Variants in SPAG16 observed in about 807,000 individuals in gnomAD.
SPAG16 encodes the protein sperm-associated antigen 16 protein.
In SPAG16, 86 loss-of-function variants were observed where a neutral mutation model predicts 80.4. The observed-to-expected ratio is 1.07, with a 90% CI of 0.90 to 1.28. The LOEUF (loss-of-function observed/expected upper bound fraction) is 1.28, where lower values mean the gene tolerates loss of function less well. Among genes scored for constraint, SPAG16 ranks in the 50% most tolerant of loss-of-function variants. SPAG16 has a pLI of 0.00. For missense variants in SPAG16, 870 were observed against 765.3 expected, an observed-to-expected ratio of 1.14 and a Z score of -1.61; for synonymous variants, 294 against 265.9, an observed-to-expected ratio of 1.11 and a Z score of -1.03.
chr2:214,289,006 G>T (rs1474774989), intron 15 of SPAG16, among the ~76,000 whole-genome samples: 1 of 152,052 alleles, frequency 6.6e-6, no homozygotes, highest in Non-Finnish European at 1.5e-5. Context: ...CTGACCTCGT[G>T]ATCCACCTGC....
At chr2:213,805,504 C>T (rs1457830251) in intron 10 of SPAG16, among the ~76,000 whole-genome samples, 3 of 152,158 alleles carry the variant, frequency 2.0e-5, no homozygotes, top group South Asian at 2.1e-4. Flanking sequence ...AGATAAGATA[C>T]AGGGAAGTAC....
intron 9 of SPAG16, chr2:213,422,641 G>C (rs1255809570): frequency 3.6e-6 from 1 of 278,760 alleles, no homozygotes; most frequent in Non-Finnish European, 6.8e-6. Flanking sequence ...CAGTATCAGA[G>C]TTCCTTCCCC....
intron 11 of SPAG16, among the ~76,000 whole-genome samples, chr2:213,910,581 C>T (rs576098785): frequency 0.052 from 1,733 of 33,204 alleles, 395 homozygotes; most frequent in African/African-American, 0.083. Flanking sequence ...CTCCGCCTCC[C>T]GGGTTCACGC....
intron 9 of SPAG16, among the ~76,000 whole-genome samples, chr2:213,468,560 G>A (rs1042866767): frequency 8.3e-6 from 1 of 120,712 alleles, no homozygotes; most frequent in African/African-American, 4.2e-5. Context: ...TTTATATATA[G>A]AGATATATAT....
intron 12 of SPAG16, among the ~76,000 whole-genome samples, chr2:213,937,065 A>G (rs1219342981): frequency 1.3e-5 from 2 of 152,162 alleles, no homozygotes; most frequent in Non-Finnish European, 2.9e-5. Flanking sequence ...ATGAAAGTGG[A>G]CTCTAAAATA....
intron 13 of SPAG16, among the ~76,000 whole-genome samples, chr2:214,056,280 T>TACAC (rs60247479): frequency 0.11 from 16,382 of 144,530 alleles, 1,007 homozygotes; most frequent in Non-Finnish European, 0.15. Context: ...GTAGTAGAAA[T>TACAC]ACACACACAC....
intron 15 of SPAG16, among the ~76,000 whole-genome samples, chr2:214,198,432 A>C (rs1447280802): frequency 6.6e-6 from 1 of 152,016 alleles, no homozygotes; most frequent in African/African-American, 2.4e-5. Context: ...AAAAGATATT[A>C]TTTCATTCTT....
chr2:213,869,447 G>A (rs1331669578), intron 11 of SPAG16, among the ~76,000 whole-genome samples: 1 of 151,152 alleles, frequency 6.6e-6, no homozygotes, highest in Non-Finnish European at 1.5e-5. Context: ...TTCTTCCTGA[G>A]CTGCAGAAGT....
At chr2:214,005,146 A>G (rs1455227166) in intron 12 of SPAG16, among the ~76,000 whole-genome samples, 1 of 152,092 alleles carries the variant, frequency 6.6e-6, no homozygotes, top group Non-Finnish European at 1.5e-5. Context: ...TCGGTTTTCC[A>G]GTTTACTGCC....
intron 15 of SPAG16, among the ~76,000 whole-genome samples, chr2:214,408,966 C>G (rs1702151909): frequency 6.6e-6 from 1 of 151,320 alleles, no homozygotes; most frequent in Non-Finnish European, 1.5e-5. Flanking sequence ...ATAAATAGTA[C>G]TATTTAAAAT....
intron 7 of SPAG16, among the ~76,000 whole-genome samples, chr2:213,357,507 G>T (rs989103649): frequency 9.2e-5 from 14 of 152,264 alleles, no homozygotes; most frequent in African/African-American, 3.4e-4. Flanking sequence ...TTACCATTAT[G>T]TAATGGCCTT....
intron 12 of SPAG16, among the ~76,000 whole-genome samples, chr2:214,013,136 G>A (rs1055162533): frequency 6.6e-6 from 1 of 150,922 alleles, no homozygotes; most frequent in Non-Finnish European, 1.5e-5. Context: ...TCATCAATTG[G>A]CATAGAATGT....
At chr2:213,542,351 A>G (rs2076475890) in intron 10 of SPAG16, among the ~76,000 whole-genome samples, 1 of 152,160 alleles carries the variant, frequency 6.6e-6, no homozygotes, top group Non-Finnish European at 1.5e-5. Context: ...TTCATTAAGA[A>G]GAAAGCATTA....
At chr2:213,949,181 T>TGTTTTG (rs1253485320) in intron 12 of SPAG16, among the ~76,000 whole-genome samples, 1 of 18,792 alleles carries the variant, frequency 5.3e-5, no homozygotes, top group Non-Finnish European at 1.6e-4. Context: ...TTTTTTTTTT[T>TGTTTTG]TTTTTTTTTT....
chr2:213,897,085 G>A (rs961479985), intron 11 of SPAG16, among the ~76,000 whole-genome samples: 20 of 152,062 alleles, frequency 1.3e-4, no homozygotes, highest in African/African-American at 4.6e-4. Context: ...AATAGTTCCA[G>A]CAGAAAGACA....
At position 213,703,125 on chromosome 2, in the gene SPAG16, A is replaced by C. The variant is rs970985198; in HGVS notation, c.1071-159360A>C. Among the ~76,000 whole-genome samples, 5 of 152,198 alleles carry C rather than the reference A, an allele frequency of 3.3e-5. No individual in the cohort carries two copies. In the East Asian group the frequency reaches 9.6e-4, roughly 29 times the overall value. Reference sequence around the variant, plus strand: ...TTTTCCCTCTCCTGTGATAATAGACATAGTGGGTTCCAAAAGATGACATGA... The same window carrying C: ...TTTTCCCTCTCCTGTGATAATAGACCTAGTGGGTTCCAAAAGATGACATGA... On this transcript the variant is annotated intron_variant, in intron 10 of 15. Transcript: ENST00000331683.
At chr2:213,626,007 G>T (rs766211767) in intron 10 of SPAG16, among the ~76,000 whole-genome samples, 1 of 152,064 alleles carries the variant, frequency 6.6e-6, no homozygotes, top group Non-Finnish European at 1.5e-5. Flanking sequence ...AAAATCTTAA[G>T]TTTTGTTATT....
At chr2:213,419,732 A>G (rs112837166) in intron 9 of SPAG16, among the ~76,000 whole-genome samples, 23 of 152,308 alleles carry the variant, frequency 1.5e-4, no homozygotes, top group African/African-American at 5.5e-4. Flanking sequence ...TATGGACTAC[A>G]TTGTGGTTTG....
At chr2:213,627,167 A>G (rs1390524502) in intron 10 of SPAG16, among the ~76,000 whole-genome samples, 1 of 152,182 alleles carries the variant, frequency 6.6e-6, no homozygotes, top group Non-Finnish European at 1.5e-5. Context: ...GTATTATGAG[A>G]CAAGATAGGA....
Sources: gnomAD v4.1 joint callset for allele counts (sites outside exome capture counted in the v4.1 genomes callset) on GRCh38, gnomAD v4.1.1 for gene constraint, MANE v1.5 for transcripts, NCBI Gene and HGNC (gene_info 2026-07-23, HGNC 2026-07-21) for gene names.